Variants in SMARCC1 observed in about 807,000 individuals in gnomAD.
SMARCC1 encodes the protein SWI/SNF related BAF chromatin remodeling complex subunit C1, also known as SWI/SNF complex subunit SMARCC1.
In SMARCC1, 43 loss-of-function variants were observed where a neutral mutation model predicts 147.4. The observed-to-expected ratio is 0.29, with a 90% CI of 0.23 to 0.38. The LOEUF is 0.38. Ranked by LOEUF, SMARCC1 falls within the 10% of genes least tolerant of loss-of-function variation. SMARCC1 has a pLI of 1.00. For missense variants in SMARCC1, 1,119 were observed against 1,381.1 expected (o/e 0.81, Z 3.01); for synonymous variants, 495 against 484.4 (o/e 1.02, Z -0.29).
intron 5 of SMARCC1, among the ~76,000 whole-genome samples, chr3:47,730,725 G>T (rs945619915): frequency 1.3e-5 from 2 of 151,954 alleles, no homozygotes; most frequent in Non-Finnish European, 2.9e-5. Flanking sequence ...AATTAGCCAA[G>T]TGTGGTGGCA....
rs776498491 is a variant in SMARCC1 at position 47,661,284 on chromosome 3, A to G, written c.2320+10T>C. On this transcript the variant is annotated intron_variant, in intron 21 of 27. Transcript: ENST00000254480. ...ATTAACCCTGTCCCTTAAAAGCAGC[A>G]GTGACTCACCAAGCTTCTCTGGCTC... 2 of 1,599,968 alleles carry G rather than the reference A, an allele frequency of 1.3e-6. No homozygotes were observed. Among genetic ancestry groups the G allele is most frequent in the African/African-American group, 2.7e-5 (2 of 74,180 alleles).
intron 18 of SMARCC1, among the ~76,000 whole-genome samples, chr3:47,673,383 C>G (rs1486488165): frequency 1.5e-5 from 1 of 66,214 alleles, no homozygotes; most frequent in African/African-American, 5.2e-5. Flanking sequence ...GAGACTCTGT[C>G]TCAAAAAAAA....
In SMARCC1 at chr3:47,730,583, C is replaced by T. The variant is rs535854096; in HGVS notation, c.577-1489G>A. On this transcript the variant is annotated intron_variant, in intron 5 of 27. Coordinates refer to ENST00000254480, the MANE Select transcript of SMARCC1 (RefSeq NM_003074.4). ...TATTGCTAGAAAACGCTAACAATAG[C>T]GGCTGGGTCCAGTGGCTCACGCCTG... 2.0e-5 allele frequency among the ~76,000 whole-genome samples: 3 copies of T among 152,138 alleles called. No homozygotes were observed. In the East Asian group the frequency reaches 5.8e-4, roughly 29 times the overall value.
In SMARCC1 at chr3:47,751,198, G is replaced by A. The variant is rs893817283; in HGVS notation, c.316-5205C>T. ...CTAGCGTGAGCCACCGCGCCTGGCC[G>A]ACAAAGTAACTTTTATTCAGCCACT... On this transcript the variant is annotated intron_variant, in intron 2 of 27. Coordinates refer to ENST00000254480, the MANE Select transcript of SMARCC1 (RefSeq NM_003074.4). Among the ~76,000 whole-genome samples, 53 of 152,006 alleles carry A rather than the reference G, an allele frequency of 3.5e-4. 1 individual carries two copies. In the Middle Eastern group the frequency reaches 0.01, roughly 29 times the overall value.
chr3:47,745,892 A>T lies in SMARCC1; in HGVS notation c.401+16T>A, dbSNP rs756753180. ...TAACTTAAGATCAAAACATGCAAAC[A>T]AATACAAAAACTTACCATCCCTGTT... is the stretch of plus-strand genomic sequence containing the variant. On this transcript the variant is annotated intron_variant, in intron 3 of 27. Coordinates refer to ENST00000254480, the MANE Select transcript of SMARCC1 (RefSeq NM_003074.4). 6.8e-6 allele frequency: 10 copies of T among 1,477,914 alleles called. No individual in the cohort carries two copies. Among genetic ancestry groups the T allele is most frequent in the Non-Finnish European group, 7.3e-6 (8 of 1,095,528 alleles). The allele number at this position is 1,477,914 out of a possible 1,614,324, so 91.6% of individuals were successfully genotyped here. A position where few individuals can be genotyped will look rare whatever the true frequency, so the allele number is the denominator to read the frequency against.
intron 5 of SMARCC1, among the ~76,000 whole-genome samples, chr3:47,734,984 T>A (rs553799000): frequency 6.6e-6 from 1 of 152,164 alleles, no homozygotes; most frequent in African/African-American, 2.4e-5. Context: ...CTCAATCTCT[T>A]GACCTCGTGA....
Position 47,636,053 on chromosome 3 carries a change from C to T in SMARCC1, c.2460G>A (p.Gln820=). The change falls in exon 23 of 28, where the codon CAG becomes CAA. Residue 820 remains glutamine (Q), a synonymous_variant. Transcript: ENST00000254480. The part of the protein sequence containing the change: ...GENEKNSEKE[Q]DSEVSEDTKS... ...TGGTATCCTCACTCACTTCACTATC[C>T]TGTTCCTTTTCACTATTTTTTTCAT... 9 of 1,598,022 alleles carry T rather than the reference C, an allele frequency of 5.6e-6. No homozygotes were observed. The highest frequency in any genetic ancestry group is 3.3e-5 in the South Asian group (3 of 90,642).
chr3:47,664,589 T>C (rs2033398805), intron 19 of SMARCC1, among the ~76,000 whole-genome samples: 1 of 152,148 alleles, frequency 6.6e-6, no homozygotes, highest in Admixed American at 6.5e-5. Flanking sequence ...AAACCACAAC[T>C]ATGTGGTGCT....
At chr3:47,738,180 A>C in intron 3 of SMARCC1, 70 bp from the exon 4 acceptor site, 1 of 975,240 alleles carries the variant, frequency 1.0e-6, no homozygotes. Flanking sequence ...TGGTTTTAGA[A>C]TTCGATGCAA....
intron 26 of SMARCC1, among the ~76,000 whole-genome samples, chr3:47,593,980 C>T (rs1176529983): frequency 2.6e-5 from 4 of 152,128 alleles, no homozygotes; most frequent in Non-Finnish European, 5.9e-5. Context: ...GCCTGACCAA[C>T]ATGGTGAAAC....
At chr3:47,639,582 T>A (rs1447354052) in intron 21 of SMARCC1, among the ~76,000 whole-genome samples, 1 of 152,066 alleles carries the variant, frequency 6.6e-6, no homozygotes, top group Non-Finnish European at 1.5e-5. Context: ...GGTGCGGTGG[T>A]GTGCACCTAT....
At chr3:47,614,061 TG>T (rs1458397412) in intron 25 of SMARCC1, among the ~76,000 whole-genome samples, 2 of 152,220 alleles carry the variant, frequency 1.3e-5, no homozygotes, top group Admixed American at 6.5e-5. Flanking sequence ...AGCTGAGACT[TG>T]AAGCCTCAGA....
intron 1 of SMARCC1, among the ~76,000 whole-genome samples, chr3:47,775,350 C>CG (rs1192598307): frequency 6.7e-6 from 1 of 150,136 alleles, no homozygotes; most frequent in Non-Finnish European, 1.5e-5. Flanking sequence ...TTAGTAGAGA[C>CG]GGGGTTTCAC....
At chr3:47,609,319 AC>A (rs1383607252) in intron 26 of SMARCC1, among the ~76,000 whole-genome samples, 6 of 152,020 alleles carry the variant, frequency 3.9e-5, no homozygotes, top group African/African-American at 1.5e-4. Context: ...ACACGGTGAA[AC>A]CCCGTCTCTA....
intron 14 of SMARCC1, 85 bp downstream of exon 14, chr3:47,685,964 C>T: frequency 1.9e-6 from 2 of 1,065,112 alleles, no homozygotes; most frequent in East Asian, 2.5e-5. Context: ...TGATAAGGAA[C>T]ATGGGCAGAA....
chr3:47,606,073 T>A (rs949818706), intron 26 of SMARCC1, among the ~76,000 whole-genome samples: 1 of 151,750 alleles, frequency 6.6e-6, no homozygotes, highest in Non-Finnish European at 1.5e-5. Context: ...TAAAAAATCA[T>A]GAGACTATCT....
chr3:47,686,740 C>A (rs2033728270), intron 13 of SMARCC1, among the ~76,000 whole-genome samples: 1 of 152,116 alleles, frequency 6.6e-6, no homozygotes, highest in African/African-American at 2.4e-5. Context: ...AATTCCAACA[C>A]TTGGGAGGCT....
At chr3:47,733,359 A>C in intron 5 of SMARCC1, among the ~76,000 whole-genome samples, 1 of 149,654 alleles carries the variant, frequency 6.7e-6, no homozygotes, top group South Asian at 2.1e-4. Context: ...AGCAGGGGGA[A>C]TCTCTTGAGG....
chr3:47,626,516 G>A (rs573536697), intron 24 of SMARCC1, among the ~76,000 whole-genome samples: 17 of 150,038 alleles, frequency 1.1e-4, no homozygotes, highest in Admixed American at 5.3e-4. Flanking sequence ...AAAAAGAGAC[G>A]AGTAAATGGC....
Sources: gnomAD v4.1 joint callset for allele counts (sites outside exome capture counted in the v4.1 genomes callset) on GRCh38, gnomAD v4.1.1 for gene constraint, MANE v1.5 for transcripts, NCBI Gene and HGNC (gene_info 2026-07-23, HGNC 2026-07-21) for gene names.